Variants in DLGAP2 observed in about 807,000 individuals in gnomAD.
The protein encoded by DLGAP2 is disks large-associated protein 2.
A neutral mutation model predicts 100.3 loss-of-function variants in DLGAP2; 26 were observed. The observed-to-expected ratio is 0.26, with a 90% CI of 0.19 to 0.36. The LOEUF (loss-of-function observed/expected upper bound fraction) is 0.36, where lower values mean the gene tolerates loss of function less well. Among genes scored for constraint, DLGAP2 ranks in the 10% least tolerant of loss-of-function variants. The pLI, the probability that DLGAP2 is intolerant of heterozygous loss-of-function variation, is 1.00. For synonymous variants in DLGAP2, 886 were observed against 630.1 expected, an observed-to-expected ratio of 1.41 and a Z score of -6.08; for missense variants, 1,858 against 1,453.2, an observed-to-expected ratio of 1.28 and a Z score of -4.53.
intron 2 of DLGAP2, among the ~76,000 whole-genome samples, chr8:1,126,659 C>G (rs73526545): frequency 6.6e-6 from 1 of 151,836 alleles, no homozygotes. Context: ...CCGCTGTGGG[C>G]GGTGCTCTGC....
chr8:1,085,768 T>C (rs918216037), intron 2 of DLGAP2, among the ~76,000 whole-genome samples: 9 of 152,236 alleles, frequency 5.9e-5, no homozygotes, highest in African/African-American at 1.9e-4. Flanking sequence ...TGTGGTTCCA[T>C]ATGAGTTTTA....
intron 8 of DLGAP2, among the ~76,000 whole-genome samples, chr8:1,651,868 G>A (rs1406530974): frequency 6.6e-6 from 1 of 152,166 alleles, no homozygotes; most frequent in African/African-American, 2.4e-5. Flanking sequence ...GACCACCCGA[G>A]GCAAGCCCCG....
intron 2 of DLGAP2, among the ~76,000 whole-genome samples, chr8:981,437 T>C (rs1290515986): frequency 2.0e-5 from 3 of 152,082 alleles, no homozygotes; most frequent in Admixed American, 1.3e-4. Context: ...TTCTTTGGCT[T>C]TGTATCTAGG....
At chr8:848,329 G>A (rs1230154763) in intron 1 of DLGAP2, among the ~76,000 whole-genome samples, 2 of 151,894 alleles carry the variant, frequency 1.3e-5, no homozygotes, top group African/African-American at 2.4e-5. Flanking sequence ...AGGATCGTGC[G>A]GTGCGTGTTC....
At chr8:1,224,207 G>T (rs1316730725) in intron 2 of DLGAP2, among the ~76,000 whole-genome samples, 2 of 152,136 alleles carry the variant, frequency 1.3e-5, no homozygotes, top group African/African-American at 2.4e-5. Context: ...TCTTATTTTA[G>T]CATTTACCTG....
At chr8:1,242,236 G>C (rs1026071293) in intron 2 of DLGAP2, among the ~76,000 whole-genome samples, 2 of 152,340 alleles carry the variant, frequency 1.3e-5, no homozygotes, top group Non-Finnish European at 2.9e-5. Flanking sequence ...GAGGCCTGAT[G>C]TGTTTGTGGA....
At chr8:877,553 A>T (rs948318788) in intron 1 of DLGAP2, among the ~76,000 whole-genome samples, 1 of 152,240 alleles carries the variant, frequency 6.6e-6, no homozygotes, top group Non-Finnish European at 1.5e-5. Context: ...TTGCTTCACA[A>T]ATAAATCTAA....
intron 6 of DLGAP2, among the ~76,000 whole-genome samples, chr8:1,567,264 T>G (rs1004105862): frequency 3.3e-5 from 5 of 152,208 alleles, no homozygotes; most frequent in Non-Finnish European, 1.5e-5. Context: ...TTTGGCACAC[T>G]TAAAGACATT....
Position 1,691,517 on chromosome 8 carries a change from TG to T in DLGAP2, c.2705-17del. 1 of 1,604,820 alleles carries T rather than the reference TG, an allele frequency of 6.2e-7. No individual in the cohort carries two copies. The highest frequency in any genetic ancestry group is 8.5e-7 in the Non-Finnish European group (1 of 1,176,632). On this transcript the variant is annotated splice_polypyrimidine_tract_variant and intron_variant, in intron 12 of 14. Coordinates refer to ENST00000637795, the MANE Select transcript of DLGAP2 (RefSeq NM_001346810.2). ...TTTGAAGTTGTTGTTTTTTTGTTTT[TG>T]TTTTTGTTTTAAACAGTTCTCGGTA...
At chr8:1,182,143 G>T (rs1449360476) in intron 2 of DLGAP2, among the ~76,000 whole-genome samples, 1 of 152,230 alleles carries the variant, frequency 6.6e-6, no homozygotes, top group African/African-American at 2.4e-5. Context: ...CTGAGGTGGC[G>T]AGTCATGTGT....
At position 1,348,843 on chromosome 8, in the gene DLGAP2, G is replaced by A. The variant is rs371589832; in HGVS notation, c.106+89960G>A. On this transcript the variant is annotated intron_variant, in intron 3 of 14. Transcript: ENST00000637795. Reference sequence around the variant, plus strand: ...CAGCCAGTATCAGTCCCCACCTCACGTTGGCTGCTTCCCCATCCATGTCCT... The same window carrying A: ...CAGCCAGTATCAGTCCCCACCTCACATTGGCTGCTTCCCCATCCATGTCCT... Among the ~76,000 whole-genome samples the A allele has an allele frequency of 2.4e-4, 36 of 152,300 alleles. 1 individual carries two copies. The highest frequency in any genetic ancestry group is 1.9e-3 in the East Asian group (10 of 5,176).
chr8:1,213,320 T>C (rs1412984077), intron 2 of DLGAP2, among the ~76,000 whole-genome samples: 3 of 152,180 alleles, frequency 2.0e-5, no homozygotes, highest in Non-Finnish European at 4.4e-5. Context: ...TTACTAAAAG[T>C]TTTGATCGAG....
chr8:1,420,232 A>C (rs974494715), intron 3 of DLGAP2, among the ~76,000 whole-genome samples: 2 of 152,122 alleles, frequency 1.3e-5, no homozygotes, highest in African/African-American at 2.4e-5. Context: ...GCGTAAACTC[A>C]GGTGTGGTTG....
intron 3 of DLGAP2, among the ~76,000 whole-genome samples, chr8:1,490,096 T>G (rs1303143322): frequency 6.6e-6 from 1 of 152,072 alleles, no homozygotes. Context: ...TTCACTATGT[T>G]GGCCAGGCTG....
intron 3 of DLGAP2, among the ~76,000 whole-genome samples, chr8:1,317,706 C>T (rs1244405287): frequency 1.7e-5 from 2 of 117,946 alleles, no homozygotes; most frequent in Non-Finnish European, 3.5e-5. Flanking sequence ...GGTCTACACT[C>T]GAGAAACTCG....
intron 11 of DLGAP2, among the ~76,000 whole-genome samples, 165 bp downstream of exon 11, chr8:1,676,783 C>T (rs1020971009): frequency 6.6e-6 from 1 of 152,204 alleles, no homozygotes; most frequent in Non-Finnish European, 1.5e-5. Context: ...TATGAATTAA[C>T]ACCCGCCTAT....
chr8:1,490,600 A>G (rs1363879021), intron 3 of DLGAP2, among the ~76,000 whole-genome samples: 2 of 152,190 alleles, frequency 1.3e-5, no homozygotes, highest in Non-Finnish European at 2.9e-5. Context: ...CAGTCGGCTC[A>G]GTAGGTAAAG....
intron 1 of DLGAP2, among the ~76,000 whole-genome samples, chr8:750,042 G>A (rs552008250): frequency 2.6e-5 from 4 of 152,322 alleles, no homozygotes; most frequent in Admixed American, 6.5e-5. Context: ...AGAAAGCCCC[G>A]GGTTATCCCC....
At chr8:1,535,852 T>G (rs35285619) in intron 4 of DLGAP2, among the ~76,000 whole-genome samples, 57,870 of 151,942 alleles carry the variant, frequency 0.38, 11,882 homozygotes, top group Middle Eastern at 0.53. Flanking sequence ...GGCTCTCAGG[T>G]CCCAAGCCTG....
Sources: gnomAD v4.1 joint callset for allele counts (sites outside exome capture counted in the v4.1 genomes callset) on GRCh38, gnomAD v4.1.1 for gene constraint, MANE v1.5 for transcripts, NCBI Gene and HGNC (gene_info 2026-07-23, HGNC 2026-07-21) for gene names.